The following CHRND variants were observed in gnomAD, a reference collection of about 807,000 sequenced individuals.
CHRND encodes the protein cholinergic receptor nicotinic delta subunit.
Under a neutral mutation model 57.8 loss-of-function variants are expected in CHRND, and 40 were observed. That is an observed-to-expected ratio of 0.69 (90% CI 0.54 to 0.90). The LOEUF (loss-of-function observed/expected upper bound fraction) is 0.90, where lower values mean the gene tolerates loss of function less well. Among genes scored for constraint, CHRND ranks in the 40% least tolerant of loss-of-function variants. The pLI, the probability that CHRND is intolerant of heterozygous loss-of-function variation, is 0.00. For synonymous variants in CHRND, 237 were observed against 270.6 expected (o/e 0.88, Z 1.22); for missense variants, 634 against 673.9 (o/e 0.94, Z 0.66).
rs1458669411 is a variant in CHRND, at chr2:232,526,381, G to A, written c.52+114G>A. 7 of 1,505,844 alleles carry A rather than the reference G, an allele frequency of 4.6e-6. No individual in the cohort carries two copies. In the African/African-American group the frequency reaches 6.9e-5, roughly 15 times the overall value. The allele number at this position is 1,505,844 out of a possible 1,614,324, so 93.3% of individuals were successfully genotyped here. A position where few individuals can be genotyped will look rare whatever the true frequency, so the allele number is the denominator to read the frequency against. ...ACTCTGCCATCTCTCCCTGTGGGGGGCCGCCTTCTGGGGTCCCCACTCCCA... is the reference window on the plus strand; with the variant it reads ...ACTCTGCCATCTCTCCCTGTGGGGGACCGCCTTCTGGGGTCCCCACTCCCA... On this transcript the variant is annotated intron_variant, in intron 1 of 11. Coordinates refer to ENST00000258385, the MANE Select transcript of CHRND (RefSeq NM_000751.3).
chr2:232,530,998 A>C (rs951410796), intron 7 of CHRND, among the ~76,000 whole-genome samples: 2 of 152,186 alleles, frequency 1.3e-5, no homozygotes, highest in Non-Finnish European at 2.9e-5. Flanking sequence ...TCTGTGCTCC[A>C]GGAGGGTTCA....
At position 232,535,344 on chromosome 2, in the gene CHRND, G is replaced by C. The variant is rs1245648975; in HGVS notation, c.*32G>C. 1.9e-6 allele frequency: 3 copies of C among 1,608,428 alleles called. No homozygotes were observed. Among genetic ancestry groups the C allele is most frequent in the Non-Finnish European group, 2.5e-6 (3 of 1,179,720 alleles). ...CCTGTTGGGGAGCCAGGAGACAGCA[G>C]GGTCTGAGAGAGGAGCCACAGTCCC... On this transcript the variant is annotated 3_prime_UTR_variant, in exon 12 of 12. Coordinates refer to ENST00000258385, the MANE Select transcript of CHRND (RefSeq NM_000751.3).
intron 6 of CHRND, 24 bp downstream of exon 6, chr2:232,528,995 G>A (rs778504415): frequency 2.5e-6 from 4 of 1,576,260 alleles, no homozygotes; most frequent in African/African-American, 1.3e-5. Context: ...CCGCCAGTGG[G>A]TGGGCAGGTC....
At chr2:232,530,991 GTGCT>G (rs1691670858) in intron 7 of CHRND, among the ~76,000 whole-genome samples, 1 of 152,208 alleles carries the variant, frequency 6.6e-6, no homozygotes, top group East Asian at 1.9e-4. Context: ...ACGCAGGTCT[GTGCT>G]CCAGGAGGGT....
At chr2:232,534,384 G>A (rs1218274661) in intron 11 of CHRND, 42 bp downstream of exon 11, 1 of 1,573,772 alleles carries the variant, frequency 6.4e-7, no homozygotes, top group Non-Finnish European at 8.7e-7. Flanking sequence ...GTTCAAGTAG[G>A]GCACTGATTA....
rs1479257141 is a variant in CHRND, at chr2:232,535,678, A to T, written c.*366A>T. 4.2e-6 allele frequency: 2 copies of T among 479,850 alleles called. No individual in the cohort carries two copies. The highest frequency in any genetic ancestry group is 8.2e-6 in the Non-Finnish European group (2 of 244,654). The allele number at this position is 479,850 out of a possible 1,614,324, so 29.7% of individuals were successfully genotyped here. A position where few individuals can be genotyped will look rare whatever the true frequency, so the allele number is the denominator to read the frequency against. On this transcript the variant is annotated 3_prime_UTR_variant, in exon 12 of 12. Transcript: ENST00000258385. ...CCTCCCCCAAGGTGTGGGGTAGAGC[A>T]GGCAGGAATCTGCGCCTTCACTCTC...
intron 7 of CHRND, among the ~76,000 whole-genome samples, chr2:232,530,540 C>T (rs146034659): frequency 1.0e-3 from 153 of 152,282 alleles, no homozygotes; most frequent in African/African-American, 3.2e-3. Flanking sequence ...GCAGAAAACC[C>T]ATCTATGCTC....
At chr2:232,528,397 C>T (rs1691561185) in intron 4 of CHRND, 26 bp downstream of exon 4, 3 of 1,613,384 alleles carry the variant, frequency 1.9e-6, no homozygotes, top group Admixed American at 3.3e-5. Context: ...CCCTGACCTC[C>T]CCTCTGTCAC....
chr2:232,534,770 G>A lies in CHRND; in HGVS notation c.1372-360G>A, dbSNP rs140686921. ...GGCACCTTTTCCCAGTTCACATATG[G>A]GCTGGCAGCAGCCCTGACTTGCTGA... On this transcript the variant is annotated intron_variant, in intron 11 of 11. Coordinates refer to ENST00000258385, the MANE Select transcript of CHRND (RefSeq NM_000751.3). Among the ~76,000 whole-genome samples, 589 of 152,282 alleles carry A rather than the reference G, an allele frequency of 3.9e-3. 2 individuals are homozygous for A. The highest frequency in any genetic ancestry group is 6.7e-3 in the Admixed American group (103 of 15,300).
In CHRND at chr2:232,526,162, T is replaced by A; in HGVS notation, c.-54T>A. ...TGTCCCCTCTCCCGCCCACCCTCAT[T>A]CCACAGCCCTGTAGACAGGAGGGGC... On this transcript the variant is annotated 5_prime_UTR_variant, in exon 1 of 12. Transcript: ENST00000258385. The A allele has an allele frequency of 6.4e-7, 1 of 1,552,038 alleles. No individual in the cohort carries two copies. Among genetic ancestry groups the A allele is most frequent in the Non-Finnish European group, 8.9e-7 (1 of 1,124,478 alleles).
Position 232,530,002 on chromosome 2 carries a change from T to C in CHRND, c.683T>C (p.Leu228Pro). ...ARVNVDPRAPLDSPSRQDITF... is the reference protein window; with the variant it reads ...ARVNVDPRAPPDSPSRQDITF... ...GTCAACGTGGACCCCAGAGCCCCTCTGGACAGCCCCAGCCGCCAGGACATC... is the reference window on the plus strand; with the variant it reads ...GTCAACGTGGACCCCAGAGCCCCTCCGGACAGCCCCAGCCGCCAGGACATC... The change falls in exon 7 of 12, where the codon CTG becomes CCG. Residue 228 changes from leucine (L) to proline (P), a missense_variant. Transcript: ENST00000258385. 1 of 1,614,156 alleles carries C rather than the reference T, an allele frequency of 6.2e-7. No homozygotes were observed. The highest frequency in any genetic ancestry group is 8.5e-7 in the Non-Finnish European group (1 of 1,180,030).
chr2:232,536,188 T>A lies in CHRND; in HGVS notation c.*876T>A, dbSNP rs1261038215. On this transcript the variant is annotated 3_prime_UTR_variant, in exon 12 of 12. Coordinates refer to ENST00000258385, the MANE Select transcript of CHRND (RefSeq NM_000751.3). ...GCAGGAATTGGGAGACAAGGGTCTG[T>A]TTGTATGGTGGTCCACCTCCAAGAT... is the stretch of plus-strand genomic sequence containing the variant. 2.2e-6 allele frequency: 1 copy of A among 454,038 alleles called. No individual in the cohort carries two copies. Among genetic ancestry groups the A allele is most frequent in the Non-Finnish European group, 4.4e-6 (1 of 226,808 alleles). 28.1% of individuals were successfully genotyped at this position (454,038 alleles called of 1,614,324 possible). A position where few individuals can be genotyped will look rare whatever the true frequency, so the allele number is the denominator to read the frequency against.
chr2:232,534,994 A>C, intron 11 of CHRND, 136 bp from the exon 12 acceptor site: 1 of 985,806 alleles, frequency 1.0e-6, no homozygotes, highest in East Asian at 2.5e-5. Flanking sequence ...ACAAGCCAGC[A>C]TTATCCTGCA....
chr2:232,532,997 G>C (rs1042294711), intron 9 of CHRND, among the ~76,000 whole-genome samples: 1 of 152,158 alleles, frequency 6.6e-6, no homozygotes, highest in African/African-American at 2.4e-5. Context: ...GGCTGTTCTG[G>C]GACAGCTGAA....
Position 232,528,874 on chromosome 2 carries a change from T to C in CHRND, c.522T>C (p.Tyr174=), listed in dbSNP as rs1429457941. The C allele has an allele frequency of 6.2e-7, 1 of 1,613,822 alleles. No homozygotes were observed. The highest frequency in any genetic ancestry group is 2.2e-5 in the East Asian group (1 of 44,848). The change falls in exon 6 of 12, where the codon TAT becomes TAC. Residue 174 remains tyrosine (Y), a synonymous_variant. Coordinates refer to ENST00000258385, the MANE Select transcript of CHRND (RefSeq NM_000751.3). ...NCSLKFSSLK[Y]TAKEITLSLK... ...TTGCCCTCCCCAGTTCCCTCAAGTA[T>C]ACGGCCAAAGAGATCACCCTGAGCC...
At chr2:232,529,763 A>G (rs975585089) in intron 6 of CHRND, among the ~76,000 whole-genome samples, 176 bp from the exon 7 acceptor site, 1 of 152,190 alleles carries the variant, frequency 6.6e-6, no homozygotes, top group African/African-American at 2.4e-5. Flanking sequence ...TTCCCCTCAC[A>G]GATGGAAACT....
chr2:232,531,726 A>G, intron 9 of CHRND, 70 bp downstream of exon 9: 1 of 1,342,818 alleles, frequency 7.4e-7, no homozygotes, highest in Admixed American at 1.7e-5. Context: ...AGGCGGGAGA[A>G]TCTCTTGAGC....
chr2:232,529,734 A>G (rs973640822), intron 6 of CHRND, among the ~76,000 whole-genome samples: 1 of 152,212 alleles, frequency 6.6e-6, no homozygotes, highest in African/African-American at 2.4e-5. Flanking sequence ...TAAAAAAGAA[A>G]TCAGTCACAG....
At position 232,529,986 on chromosome 2, in the gene CHRND, G is replaced by A. The variant is rs1354245179; in HGVS notation, c.667G>A (p.Asp223Asn). 2 of 1,614,064 alleles carry A rather than the reference G, an allele frequency of 1.2e-6. No homozygotes were observed. Among genetic ancestry groups the A allele is most frequent in the African/African-American group, 1.3e-5 (1 of 75,000 alleles). ...CCACCGGCCGGCCAGGGTCAACGTG[G>A]ACCCCAGAGCCCCTCTGGACAGCCC... Reference protein sequence around the residue: ...IVHRPARVNVDPRAPLDSPSR... With the variant: ...IVHRPARVNVNPRAPLDSPSR... The change falls in exon 7 of 12, where the codon GAC becomes AAC. Residue 223 changes from aspartate (D) to asparagine (N), a missense_variant. Physicochemically the swap from Asp to Asn is conservative, Grantham distance 23. Coordinates refer to ENST00000258385, the MANE Select transcript of CHRND (RefSeq NM_000751.3).
Sources: gnomAD v4.1 joint callset for allele counts (sites outside exome capture counted in the v4.1 genomes callset) on GRCh38, gnomAD v4.1.1 for gene constraint, MANE v1.5 for transcripts, NCBI Gene and HGNC (gene_info 2026-07-23, HGNC 2026-07-21) for gene names.